CDH18: variants seen among roughly 807,000 people sequenced by gnomAD.
CDH18 encodes the protein cadherin 18.
A neutral mutation model predicts 67.9 loss-of-function variants in CDH18; 31 were observed. The ratio of observed to expected loss-of-function variants is 0.46; its 90% CI spans 0.34 to 0.62. The LOEUF (loss-of-function observed/expected upper bound fraction) is 0.62. CDH18 is among the 20% of genes least tolerant of loss of function. The pLI, the probability that CDH18 is intolerant of heterozygous loss-of-function variation, is 0.01. For missense variants in CDH18, 890 were observed against 975.5 expected (o/e 0.91, Z 1.17); for synonymous variants, 362 against 347.2 (o/e 1.04, Z -0.48).
At chr5:19,555,385 C>A (rs938109119) in intron 8 of CDH18, among the ~76,000 whole-genome samples, 1 of 152,200 alleles carries the variant, frequency 6.6e-6, no homozygotes, top group South Asian at 2.1e-4. Flanking sequence ...AAGTTCTTAG[C>A]TGTTACCAGC....
At chr5:19,495,667 C>T (rs978858498) in intron 11 of CDH18, among the ~76,000 whole-genome samples, 4 of 139,580 alleles carry the variant, frequency 2.9e-5, no homozygotes, top group Admixed American at 7.9e-5. Context: ...TGCCGAAAGC[C>T]GAGATCCCGC....
At chr5:19,756,887 T>C (rs1245525135) in intron 3 of CDH18, among the ~76,000 whole-genome samples, 1 of 152,206 alleles carries the variant, frequency 6.6e-6, no homozygotes, top group African/African-American at 2.4e-5. Flanking sequence ...CCCGGATCCA[T>C]GAATCTTCGC....
chr5:20,062,520 C>T (rs1458943063), intron 2 of CDH18, among the ~76,000 whole-genome samples: 1 of 152,074 alleles, frequency 6.6e-6, no homozygotes, highest in African/African-American at 2.4e-5. Flanking sequence ...CAGTATTCAC[C>T]TTCATAGATG....
chr5:20,126,974 A>G (rs981053725), intron 2 of CDH18, among the ~76,000 whole-genome samples: 7 of 152,160 alleles, frequency 4.6e-5, no homozygotes, highest in South Asian at 2.1e-4. Flanking sequence ...AAGAATCGAA[A>G]TCAGGATCTC....
At chr5:19,485,502 G>C (rs1026220966) in intron 11 of CDH18, among the ~76,000 whole-genome samples, 1 of 152,056 alleles carries the variant, frequency 6.6e-6, no homozygotes, top group African/African-American at 2.4e-5. Context: ...CGATCCACCC[G>C]CCTCGGCCTC....
chr5:19,742,063 T>C (rs1215620469), intron 4 of CDH18, among the ~76,000 whole-genome samples: 4 of 152,236 alleles, frequency 2.6e-5, no homozygotes, highest in Admixed American at 1.3e-4. Flanking sequence ...CATTAAGACA[T>C]GCTTTAGAAA....
At chr5:20,236,586 T>C (rs144275124) in intron 2 of CDH18, among the ~76,000 whole-genome samples, 2 of 151,910 alleles carry the variant, frequency 1.3e-5, no homozygotes, top group African/African-American at 4.8e-5. Context: ...ATTTAAGAAT[T>C]TGGATTAAAT....
At chr5:20,036,670 G>C (rs1163143328) in intron 2 of CDH18, among the ~76,000 whole-genome samples, 1 of 151,912 alleles carries the variant, frequency 6.6e-6, no homozygotes, top group African/African-American at 2.4e-5. Flanking sequence ...GAATATCTTT[G>C]TAATTTTCTG....
At chr5:20,559,631 A>C (rs1581200131) in intron 1 of CDH18, among the ~76,000 whole-genome samples, 1 of 152,226 alleles carries the variant, frequency 6.6e-6, no homozygotes, top group Admixed American at 6.6e-5. Flanking sequence ...TTTTTATAAT[A>C]ATTACAATAA....
intron 1 of CDH18, among the ~76,000 whole-genome samples, chr5:20,443,138 A>G (rs1419438326): frequency 1.6e-5 from 2 of 127,406 alleles, no homozygotes; most frequent in Non-Finnish European, 3.2e-5. Flanking sequence ...TGAACCCGGG[A>G]GGCGGAGCTT....
In CDH18 at chr5:19,472,362, G is replaced by A. The variant is rs1737719497; in HGVS notation, c.*864C>T. 6.6e-6 allele frequency among the ~76,000 whole-genome samples: 1 copy of A among 151,576 alleles called. No homozygotes were observed. The highest frequency in any genetic ancestry group is 2.4e-5 in the African/African-American group (1 of 41,390). On this transcript the variant is annotated 3_prime_UTR_variant, in exon 13 of 13. Transcript: ENST00000382275. ...TGATTTAAATATAATAAAACAAGTG[G>A]AAAAAAGGAAAAAAAAAGTTCCCCA...
intron 2 of CDH18, among the ~76,000 whole-genome samples, chr5:20,219,673 C>T (rs1741069047): frequency 6.6e-6 from 1 of 151,810 alleles, no homozygotes; most frequent in Non-Finnish European, 1.5e-5. Flanking sequence ...AAAAATACTT[C>T]AATATATGCA....
Position 20,373,829 on chromosome 5 carries a change from CT to C in CDH18, c.-579-118325del, listed in dbSNP as rs1191493909. On this transcript the variant is annotated intron_variant, in intron 1 of 14. Coordinates refer to the CDH18 transcript ENST00000507958. The stretch of plus-strand genomic sequence containing the variant: ...TTTCATTTATGCTATTATTGACAAT[CT>C]GTACAATTTCTTTGAAAGCATCTAA... Among the ~76,000 whole-genome samples, 5 of 152,048 alleles carry C rather than the reference CT, an allele frequency of 3.3e-5. No homozygotes were observed. In the South Asian group the frequency reaches 6.2e-4, roughly 19 times the overall value.
At chr5:20,130,604 T>C (rs1006421682) in intron 2 of CDH18, among the ~76,000 whole-genome samples, 1 of 151,974 alleles carries the variant, frequency 6.6e-6, no homozygotes, top group African/African-American at 2.4e-5. Flanking sequence ...AAGACGACTG[T>C]AGGAGGGACT....
intron 1 of CDH18, chr5:20,304,989 A>G: frequency 6.2e-7 from 1 of 1,613,898 alleles, no homozygotes; most frequent in Non-Finnish European, 8.5e-7. Context: ...TGTGATAGGC[A>G]TTTCTGACAC....
intron 1 of CDH18, among the ~76,000 whole-genome samples, chr5:20,492,179 A>AT (rs374939338): frequency 0.02 from 2,941 of 149,472 alleles, 74 homozygotes; most frequent in African/African-American, 0.059. Flanking sequence ...AGTAACATTG[A>AT]TTTTTTTTTT....
chr5:19,531,130 G>A (rs1748550057), intron 9 of CDH18, among the ~76,000 whole-genome samples: 1 of 152,058 alleles, frequency 6.6e-6, no homozygotes. Flanking sequence ...TCAAGAAAAT[G>A]TTCTTTGAAA....
chr5:20,022,695 A>C (rs1412482421), intron 2 of CDH18, among the ~76,000 whole-genome samples: 1 of 152,202 alleles, frequency 6.6e-6, no homozygotes, highest in African/African-American at 2.4e-5. Context: ...AAAAGTTAAG[A>C]AAAAAACAAA....
chr5:19,507,103 C>T (rs1257418613), intron 10 of CDH18, among the ~76,000 whole-genome samples: 1 of 152,132 alleles, frequency 6.6e-6, no homozygotes, highest in Non-Finnish European at 1.5e-5. Flanking sequence ...AGGATATGAA[C>T]AGACACTTCT....
Sources: gnomAD v4.1 joint callset for allele counts (sites outside exome capture counted in the v4.1 genomes callset) on GRCh38, gnomAD v4.1.1 for gene constraint, MANE v1.5 for transcripts, NCBI Gene and HGNC (gene_info 2026-07-23, HGNC 2026-07-21) for gene names.